Variants in KLF15 observed in about 807,000 individuals in gnomAD.
KLF15 encodes the protein KLF transcription factor 15, also known as Krueppel-like factor 15.
A neutral mutation model predicts 24.6 loss-of-function variants in KLF15; 4 were observed. That is an observed-to-expected ratio of 0.16 (90% CI 0.08 to 0.37). The LOEUF (loss-of-function observed/expected upper bound fraction) is 0.37. KLF15 is among the 10% of genes least tolerant of loss of function. The pLI is 1.00. For missense variants in KLF15, 496 were observed against 560.6 expected, an observed-to-expected ratio of 0.88 and a Z score of 1.16; for synonymous variants, 246 against 236.3, an observed-to-expected ratio of 1.04 and a Z score of -0.37.
At chr3:126,301,218 G>A in the KLF15 span, among the ~76,000 whole-genome samples, 6 of 151,994 alleles carry the variant, frequency 3.9e-5, no homozygotes, top group African/African-American at 1.2e-4. Flanking sequence ...CTGTGTAGCC[G>A]CCAGGGCCCA....
At chr3:126,348,546 C>T (rs938384) in intron 2 of KLF15, among the ~76,000 whole-genome samples, 3,244 of 152,312 alleles carry the variant, frequency 0.021, 75 homozygotes, top group African/African-American at 0.065. Flanking sequence ...GGGCATGTGA[C>T]GTGAGCAGTC....
At chr3:126,307,335 A>G in the KLF15 span, among the ~76,000 whole-genome samples, 2 of 152,186 alleles carry the variant, frequency 1.3e-5, no homozygotes, top group African/African-American at 2.4e-5. Context: ...ATGGGCCACC[A>G]TCCAGCGGGC....
the KLF15 span, among the ~76,000 whole-genome samples, chr3:126,331,707 C>T: frequency 2.4e-4 from 36 of 152,188 alleles, no homozygotes; most frequent in South Asian, 4.1e-4. Flanking sequence ...TCTGAGGTAC[C>T]GGGTTTATCT....
At chr3:126,305,358 G>A in the KLF15 span, among the ~76,000 whole-genome samples, 1 of 152,202 alleles carries the variant, frequency 6.6e-6, no homozygotes, top group East Asian at 1.9e-4. Flanking sequence ...GTGCTGTGAA[G>A]AACTCAGCTC....
At chr3:126,323,447 T>TTATATATATATA in the KLF15 span, among the ~76,000 whole-genome samples, 3 of 52,222 alleles carry the variant, frequency 5.7e-5, no homozygotes, top group Admixed American at 3.0e-4. Context: ...CATATATATG[T>TTATATATATATA]TATATATATA....
chr3:126,315,987 G>A, the KLF15 span, among the ~76,000 whole-genome samples: 1 of 152,128 alleles, frequency 6.6e-6, no homozygotes, highest in Non-Finnish European at 1.5e-5. Flanking sequence ...TAGAACAGGG[G>A]TTGGCAAGCC....
the KLF15 span, among the ~76,000 whole-genome samples, chr3:126,330,204 C>T: frequency 6.6e-6 from 1 of 152,208 alleles, no homozygotes; most frequent in Non-Finnish European, 1.5e-5. Context: ...ACAGCAGAAT[C>T]CCTCGTTCCC....
At chr3:126,320,079 G>C in the KLF15 span, among the ~76,000 whole-genome samples, 1 of 152,110 alleles carries the variant, frequency 6.6e-6, no homozygotes, top group Non-Finnish European at 1.5e-5. Flanking sequence ...TCCAAGGATC[G>C]CACCTTCCTA....
chr3:126,291,089 G>A, the KLF15 span: 2 of 152,224 alleles, frequency 1.3e-5, no homozygotes, highest in Non-Finnish European at 2.9e-5. Context: ...AGTCACGTGT[G>A]ACCTAGGGAG....
chr3:126,315,568 G>A, the KLF15 span, among the ~76,000 whole-genome samples: 2 of 152,190 alleles, frequency 1.3e-5, no homozygotes, highest in African/African-American at 2.4e-5. Context: ...GGGACAGGAG[G>A]AGAGCGGGAG....
At chr3:126,332,262 C>A in the KLF15 span, among the ~76,000 whole-genome samples, 1 of 149,180 alleles carries the variant, frequency 6.7e-6, no homozygotes, top group Non-Finnish European at 1.5e-5. Flanking sequence ...GGTCCCGGAC[C>A]CCTGACCCCC....
the KLF15 span, among the ~76,000 whole-genome samples, chr3:126,320,265 A>C: frequency 4.6e-5 from 7 of 152,302 alleles, no homozygotes; most frequent in East Asian, 1.4e-3. Context: ...AATTTTTCAA[A>C]AGAGGCTGAA....
At chr3:126,344,536 C>T (rs906488555) in intron 2 of KLF15, among the ~76,000 whole-genome samples, 1 of 152,230 alleles carries the variant, frequency 6.6e-6, no homozygotes, top group Non-Finnish European at 1.5e-5. Flanking sequence ...GCAGGGGTCT[C>T]TGAGGCCACA....
chr3:126,353,113 G>C (rs1576589166), intron 1 of KLF15, among the ~76,000 whole-genome samples, 166 bp from the exon 2 acceptor site: 1 of 152,304 alleles, frequency 6.6e-6, no homozygotes, highest in East Asian at 1.9e-4. Flanking sequence ...AGTGTTTTCT[G>C]AAATTGCACC....
the KLF15 span, among the ~76,000 whole-genome samples, chr3:126,298,450 C>T: frequency 7.6e-6 from 1 of 131,836 alleles, no homozygotes; most frequent in African/African-American, 2.6e-5. Flanking sequence ...TTATTAGCAG[C>T]TGTGCAGAAG....
the KLF15 span, among the ~76,000 whole-genome samples, chr3:126,304,328 A>T: frequency 1.3e-5 from 2 of 152,234 alleles, no homozygotes; most frequent in African/African-American, 2.4e-5. Context: ...ATACCTGAGT[A>T]TGGTATCTAA....
the KLF15 span, among the ~76,000 whole-genome samples, chr3:126,305,360 A>T: frequency 1.3e-5 from 2 of 152,028 alleles, no homozygotes; most frequent in Non-Finnish European, 2.9e-5. Flanking sequence ...GCTGTGAAGA[A>T]CTCAGCTCCT....
chr3:126,323,417 ATATATATAT>A, the KLF15 span, among the ~76,000 whole-genome samples: 87 of 38,204 alleles, frequency 2.3e-3, 3 homozygotes, highest in African/African-American at 9.2e-3. Flanking sequence ...ATATATATAT[ATATATATAT>A]ATATATATAA....
At chr3:126,329,593 T>A in the KLF15 span, among the ~76,000 whole-genome samples, 3 of 152,186 alleles carry the variant, frequency 2.0e-5, no homozygotes, top group Non-Finnish European at 4.4e-5. Flanking sequence ...CTACCACCAT[T>A]GTCGTGTCAT....
Sources: allele counts gnomAD v4.1 joint callset (sites outside exome capture counted in the v4.1 genomes callset), GRCh38; gene constraint gnomAD v4.1.1; transcripts MANE v1.5; gene names NCBI Gene and HGNC (gene_info 2026-07-23, HGNC 2026-07-21).